Variants in JUP observed in about 807,000 individuals in gnomAD.
JUP encodes the protein catenin (cadherin-associated protein), gamma 80kDa.
In JUP, 28 loss-of-function variants were observed where a neutral mutation model predicts 71.1. The ratio of observed to expected loss-of-function variants is 0.39; its 90% CI spans 0.29 to 0.54. JUP has a LOEUF of 0.54. JUP is among the 20% of genes least tolerant of loss of function. JUP has a pLI of 0.62. For synonymous variants in JUP, 401 were observed against 438.9 expected (o/e 0.91, Z 1.08); for missense variants, 869 against 1,030.1 (o/e 0.84, Z 2.14).
chr17:41,770,080 C>T (rs1187991341), intron 2 of JUP, among the ~76,000 whole-genome samples: 1 of 152,218 alleles, frequency 6.6e-6, no homozygotes, highest in Admixed American at 6.5e-5. Context: ...GACTCAGGGG[C>T]CCAAACCCCT....
At chr17:41,763,393 G>T in intron 7 of JUP, 72 bp from the exon 8 acceptor site, 1 of 1,184,962 alleles carries the variant, frequency 8.4e-7, no homozygotes. Context: ...ATATGTCCAA[G>T]GGGAGTGGGA....
intron 8 of JUP, among the ~76,000 whole-genome samples, chr17:41,761,434 C>T (rs1914789383): frequency 6.6e-6 from 1 of 151,534 alleles, no homozygotes; most frequent in African/African-American, 2.4e-5. Context: ...ACAGTCCACT[C>T]ATTCGTGTGA....
At chr17:41,782,063 C>T (rs1344490463) in intron 1 of JUP, among the ~76,000 whole-genome samples, 7 of 152,290 alleles carry the variant, frequency 4.6e-5, no homozygotes, top group South Asian at 4.1e-4. Flanking sequence ...TCCAGAAGCG[C>T]GGTAGTGACA....
At chr17:41,762,666 G>A (rs1940352166) in intron 8 of JUP, among the ~76,000 whole-genome samples, 1 of 152,148 alleles carries the variant, frequency 6.6e-6, no homozygotes, top group African/African-American at 2.4e-5. Context: ...CTCCCAAAGT[G>A]TTGGGATTAC....
intron 2 of JUP, among the ~76,000 whole-genome samples, chr17:41,770,746 C>T (rs1916523200): frequency 6.6e-6 from 1 of 152,222 alleles, no homozygotes; most frequent in Non-Finnish European, 1.5e-5. Context: ...GCTGGCGGGG[C>T]ATCCCCATCC....
Position 41,771,864 on chromosome 17 carries a change from T to C in JUP, c.-8-2A>G. ...GGTTCATCACCTCCATCGTGGCTAC[T>C]GGGGGCACAAAGGAGGAAGTCAGGA... On this transcript the variant is annotated splice_acceptor_variant, in intron 1 of 13. Coordinates refer to ENST00000393931, the MANE Select transcript of JUP (RefSeq NM_002230.4). LOFTEE classifies it low-confidence loss of function (5UTR_SPLICE). 1 of 1,604,914 alleles carries C rather than the reference T, an allele frequency of 6.2e-7. No individual in the cohort carries two copies. Among genetic ancestry groups the C allele is most frequent in the Non-Finnish European group, 8.5e-7 (1 of 1,175,606 alleles).
At chr17:41,768,549 A>G (rs1422811450) in intron 4 of JUP, among the ~76,000 whole-genome samples, 1 of 151,830 alleles carries the variant, frequency 6.6e-6, no homozygotes, top group African/African-American at 2.4e-5. Context: ...GTGACAGAGC[A>G]AGGCCTCATC....
chr17:41,782,144 T>G (rs1177694625), intron 1 of JUP, among the ~76,000 whole-genome samples: 3 of 152,274 alleles, frequency 2.0e-5, no homozygotes, highest in African/African-American at 7.2e-5. Flanking sequence ...AGGCCCATTC[T>G]GGTGTCAGAT....
At chr17:41,765,202 AT>A in intron 5 of JUP, 135 bp from the exon 6 acceptor site, 6 of 875,072 alleles carry the variant, frequency 6.9e-6, no homozygotes, top group Non-Finnish European at 8.6e-6. Context: ...CTTTTAATGT[AT>A]TTTTTTCTTT....
intron 8 of JUP, among the ~76,000 whole-genome samples, chr17:41,761,445 G>A (rs577968169): frequency 1.3e-5 from 2 of 152,130 alleles, no homozygotes; most frequent in Non-Finnish European, 2.9e-5. Flanking sequence ...ATTCGTGTGA[G>A]GACAACCCTC....
At position 41,758,705 on chromosome 17, in the gene JUP, G is replaced by T. The variant is rs73983658; in HGVS notation, c.1653+10C>A. On this transcript the variant is annotated intron_variant, in intron 9 of 13. Transcript: ENST00000393931. Reference sequence around the variant, plus strand: ...AGGAAGGCTGTCAGAGGCACCACCAGCTCACATACCGTGTAGGGCTGCTGT... The same window carrying T: ...AGGAAGGCTGTCAGAGGCACCACCATCTCACATACCGTGTAGGGCTGCTGT... 8.4e-3 allele frequency: 13,405 copies of T among 1,598,466 alleles called. 934 individuals are homozygous for T. The African/African-American group carries it at 0.15, about 18-fold the overall frequency.
chr17:41,771,422 C>T, intron 2 of JUP: 1 of 599,770 alleles, frequency 1.7e-6, no homozygotes, highest in Non-Finnish European at 3.0e-6. Context: ...TATGCCTTCC[C>T]TCCCTACTGA....
Position 41,755,337 on chromosome 17 carries a change from T to C in JUP, c.*407A>G. On this transcript the variant is annotated 3_prime_UTR_variant, in exon 14 of 14. Coordinates refer to ENST00000393931, the MANE Select transcript of JUP (RefSeq NM_002230.4). ...ACGGAGGACCTCTGGAGGCGCAGGG[T>C]GCAGCAGGAAGTTACACCCCGGCTT... 2.5e-6 allele frequency: 1 copy of C among 404,500 alleles called. No homozygotes were observed. Among genetic ancestry groups the C allele is most frequent in the Non-Finnish European group, 4.3e-6 (1 of 229,898 alleles). 25.1% of individuals were successfully genotyped at this position (404,500 alleles called of 1,614,324 possible).
intron 8 of JUP, among the ~76,000 whole-genome samples, chr17:41,761,545 C>A (rs1489076433): frequency 6.6e-6 from 1 of 152,120 alleles, no homozygotes; most frequent in Non-Finnish European, 1.5e-5. Flanking sequence ...GGTGCAGTGG[C>A]TCACACCTGT....
chr17:41,785,543 G>T (rs1446479530), intron 1 of JUP, among the ~76,000 whole-genome samples: 4 of 152,178 alleles, frequency 2.6e-5, no homozygotes, highest in Non-Finnish European at 5.9e-5. Context: ...CCCAGGCACC[G>T]GCCCAGGTTC....
chr17:41,757,077 G>A (rs1555598359), intron 12 of JUP, among the ~76,000 whole-genome samples: 1 of 152,136 alleles, frequency 6.6e-6, no homozygotes. Flanking sequence ...CCGGACTAGA[G>A]CAGCTCAGGG....
intron 8 of JUP, among the ~76,000 whole-genome samples, chr17:41,759,903 T>G (rs1418037858): frequency 2.0e-5 from 3 of 152,134 alleles, no homozygotes; most frequent in South Asian, 2.1e-4. Flanking sequence ...TTTCTAAACA[T>G]GAATTTTCTT....
rs1023469638 is a variant in JUP at position 41,786,672 on chromosome 17, G to A, written c.-93C>T. On this transcript the variant is annotated 5_prime_UTR_variant, in exon 1 of 14. Transcript: ENST00000393931. ...ACAGCGAACTGAGCTCGGCGTGGTC[G>A]GGCGGCGGCTGCTCCGGACTCTGGC... 6.5e-6 allele frequency: 1 copy of A among 152,714 alleles called. No homozygotes were observed. The highest frequency in any genetic ancestry group is 1.5e-5 in the Non-Finnish European group (1 of 68,314). 9.5% of individuals were successfully genotyped at this position (152,714 alleles called of 1,614,324 possible).
intron 1 of JUP, 40 bp downstream of exon 1, chr17:41,786,548 C>T (rs1422659755): frequency 7.4e-6 from 1 of 135,246 alleles, no homozygotes; most frequent in Non-Finnish European, 1.6e-5. Flanking sequence ...CTCGCCACCC[C>T]TCTGTCCCCA....
Sources: allele counts gnomAD v4.1 joint callset (sites outside exome capture counted in the v4.1 genomes callset), GRCh38; gene constraint gnomAD v4.1.1; transcripts MANE v1.5; gene names NCBI Gene and HGNC (gene_info 2026-07-23, HGNC 2026-07-21).